Variants in PSMG2 observed in about 807,000 individuals in gnomAD.
PSMG2 encodes the protein proteasome assembly chaperone 2.
PSMG2 carries 21 observed loss-of-function variants against 31.5 expected under a neutral mutation model. The observed-to-expected ratio is 0.67, with a 90% CI of 0.47 to 0.96. The LOEUF (loss-of-function observed/expected upper bound fraction) is 0.96, where lower values mean the gene tolerates loss of function less well. PSMG2 is among the 40% of genes least tolerant of loss of function. PSMG2 has a pLI of 0.00. For synonymous variants in PSMG2, 120 were observed against 110.4 expected (o/e 1.09, Z -0.54); for missense variants, 318 against 321.2 (o/e 0.99, Z 0.08).
chr18:12,665,885 CAG>C (rs978405703), intron 1 of PSMG2, among the ~76,000 whole-genome samples: 5 of 152,146 alleles, frequency 3.3e-5, no homozygotes, highest in Admixed American at 1.3e-4. Context: ...TTAGTAGAGA[CAG>C]GGTTTCACCA....
Position 12,706,578 on chromosome 18 carries a change from A to G in PSMG2, c.86A>G (p.Gln29Arg), listed in dbSNP as rs772909007. The G allele has an allele frequency of 6.2e-7, 1 of 1,614,090 alleles. No homozygotes were observed. Among genetic ancestry groups the G allele is most frequent in the Non-Finnish European group, 8.5e-7 (1 of 1,180,016 alleles). The stretch of plus-strand genomic sequence containing the variant: ...GCAGTATCTGTTGGAAATGTTGGCC[A>G]GCTTGCAATGGATCTGATTATTTCT... ...MPAVSVGNVGQLAMDLIISTL... is the reference protein window; with the variant it reads ...MPAVSVGNVGRLAMDLIISTL... The change falls in exon 2 of 7, where the codon CAG becomes CGG. Residue 29 changes from glutamine to arginine, a missense_variant. By Grantham distance (43) the Gln-to-Arg change is conservative. Transcript: ENST00000317615.
In PSMG2 at chr18:12,658,936, A is replaced by C. The variant is rs77120281; in HGVS notation, c.-37+163A>C. The C allele has an allele frequency of 6.3e-3, 1,540 of 243,180 alleles. 29 individuals are homozygous for C. The highest frequency in any genetic ancestry group is 0.034 in the African/African-American group (1,466 of 43,508). The allele number at this position is 243,180 out of a possible 1,614,324, so 15.1% of individuals were successfully genotyped here. A position where few individuals can be genotyped will look rare whatever the true frequency, so the allele number is the denominator to read the frequency against. On this transcript the variant is annotated intron_variant, in intron 1 of 6. Transcript: ENST00000585331. Reference sequence around the variant, plus strand: ...ATTGGTCCCTTCCCTCACTAAGGTAATGTCTCAAGTACCACACTCATCAGA... The same window carrying C: ...ATTGGTCCCTTCCCTCACTAAGGTACTGTCTCAAGTACCACACTCATCAGA...
At chr18:12,670,852 T>G (rs2038924624) in intron 1 of PSMG2, 1 of 152,040 alleles carries the variant, frequency 6.6e-6, no homozygotes, top group South Asian at 2.1e-4. Flanking sequence ...TCTTGCTATG[T>G]TGCCCAGGCT....
In PSMG2 at chr18:12,697,076, G is replaced by A. The variant is rs1010732684; in HGVS notation, c.-36-9474G>A. The stretch of plus-strand genomic sequence containing the variant: ...TTCTTCAAGACATTTCTCAAGATTA[G>A]GATGCTGAGGTCCAATTGTAACTCT... On this transcript the variant is annotated intron_variant, in intron 1 of 6. Transcript: ENST00000585331. The A allele has an allele frequency of 1.7e-4, 94 of 551,568 alleles. No individual in the cohort carries two copies. The Middle Eastern group carries it at 2.7e-3, about 16-fold the overall frequency. The allele number at this position is 551,568 out of a possible 1,614,324, so 34.2% of individuals were successfully genotyped here. A position where few individuals can be genotyped will look rare whatever the true frequency, so the allele number is the denominator to read the frequency against.
At chr18:12,720,785 G>A (rs775479508) in intron 5 of PSMG2, 102 bp downstream of exon 5, 4 of 1,186,622 alleles carry the variant, frequency 3.4e-6, no homozygotes, top group Non-Finnish European at 4.6e-6. Context: ...GGGTGACAGA[G>A]CAAGACTCTG....
rs544884144 is a variant in PSMG2 at position 12,680,522 on chromosome 18, G to T, written c.-37+21749G>T. 1.5e-5 allele frequency: 8 copies of T among 518,028 alleles called. No homozygotes were observed. The East Asian group carries it at 2.8e-4, about 18-fold the overall frequency. The allele number at this position is 518,028 out of a possible 1,614,324, so 32.1% of individuals were successfully genotyped here. Reference sequence around the variant, plus strand: ...GAGACAGGAGAATCGGCTTGAACCTGGGAGGTGGAGGTTGCAGTGAGCTGA... The same window carrying T: ...GAGACAGGAGAATCGGCTTGAACCTTGGAGGTGGAGGTTGCAGTGAGCTGA... On this transcript the variant is annotated intron_variant, in intron 1 of 6. Coordinates refer to the PSMG2 transcript ENST00000585331.
At chr18:12,661,803 C>G (rs1004051005) in intron 1 of PSMG2, 1 of 154,916 alleles carries the variant, frequency 6.5e-6, no homozygotes, top group Non-Finnish European at 1.4e-5. Flanking sequence ...TCCAAAGATT[C>G]AAATGCCTTT....
At chr18:12,686,248 T>C (rs759094177) in intron 1 of PSMG2, 11 of 1,591,884 alleles carry the variant, frequency 6.9e-6, no homozygotes, top group South Asian at 3.4e-5. Context: ...AATTCTATTA[T>C]GTGTGTATAA....
chr18:12,702,653 C>G (rs1231930616), upstream of PSMG2: 1 of 1,324,884 alleles, frequency 7.5e-7, no homozygotes, highest in Non-Finnish European at 1.0e-6. Context: ...GCACAAAGCG[C>G]CGCAGCCGTT....
chr18:12,690,532 T>C (rs9958412), intron 1 of PSMG2, among the ~76,000 whole-genome samples: 59,219 of 151,370 alleles, frequency 0.39, 11,991 homozygotes, highest in Non-Finnish European at 0.45. Flanking sequence ...CTCGGCTCAC[T>C]GCAAGCTCCG....
chr18:12,691,435 T>C (rs2039759177), intron 1 of PSMG2: 1 of 1,609,514 alleles, frequency 6.2e-7, no homozygotes, highest in African/African-American at 1.3e-5. Flanking sequence ...CTGCTTAGCA[T>C]ATACAAGAAA....
intron 2 of PSMG2, among the ~76,000 whole-genome samples, chr18:12,709,967 G>C (rs2847272): frequency 0.11 from 16,323 of 143,342 alleles, 1,200 homozygotes; most frequent in East Asian, 0.24. Context: ...TTTTGAGATG[G>C]AGTCTTGCTC....
At chr18:12,690,602 C>A (rs1277353794) in intron 1 of PSMG2, among the ~76,000 whole-genome samples, 1 of 152,048 alleles carries the variant, frequency 6.6e-6, no homozygotes, top group Non-Finnish European at 1.5e-5. Context: ...ACTATAGGAG[C>A]CCGCCATCAC....
intron 1 of PSMG2, chr18:12,686,130 C>T: frequency 1.8e-6 from 1 of 567,404 alleles, no homozygotes; most frequent in Non-Finnish European, 2.9e-6. Flanking sequence ...GTTGAATCTA[C>T]AGATACAGAA....
chr18:12,694,183 A>G (rs1301902701), intron 1 of PSMG2, among the ~76,000 whole-genome samples: 1 of 152,216 alleles, frequency 6.6e-6, no homozygotes, highest in Non-Finnish European at 1.5e-5. Context: ...ACATGTCAGA[A>G]GCTAGAGATT....
intron 5 of PSMG2, among the ~76,000 whole-genome samples, chr18:12,722,011 C>T (rs772567412): frequency 2.0e-5 from 3 of 152,082 alleles, no homozygotes; most frequent in Non-Finnish European, 4.4e-5. Flanking sequence ...AAACACCTAC[C>T]TCCTTTCTAA....
chr18:12,702,781 T>C (rs959296501), upstream of PSMG2: 21 of 580,196 alleles, frequency 3.6e-5, no homozygotes, highest in Admixed American at 5.0e-4. Flanking sequence ...AAACAGGGCT[T>C]GGGGCTGGCC....
intron 1 of PSMG2, among the ~76,000 whole-genome samples, chr18:12,664,847 C>A (rs925533124): frequency 6.6e-6 from 1 of 151,672 alleles, no homozygotes; most frequent in African/African-American, 2.4e-5. Context: ...TACAGGCGCC[C>A]GTCACCATGC....
intron 1 of PSMG2, chr18:12,674,790 C>T (rs2039062990): frequency 1.2e-5 from 16 of 1,373,096 alleles, no homozygotes; most frequent in Non-Finnish European, 1.5e-5. Flanking sequence ...AAGTGAAATA[C>T]ATTAATATTT....
Sources: allele counts gnomAD v4.1 joint callset (sites outside exome capture counted in the v4.1 genomes callset), GRCh38; gene constraint gnomAD v4.1.1; transcripts MANE v1.5; gene names NCBI Gene and HGNC (gene_info 2026-07-23, HGNC 2026-07-21).